DLG2: variants seen among roughly 807,000 people sequenced by gnomAD.
DLG2 encodes disks large homolog 2.
DLG2 carries 45 observed loss-of-function variants against 132.5 expected under a neutral mutation model. The observed-to-expected ratio is 0.34, with a 90% CI of 0.27 to 0.44. The LOEUF (loss-of-function observed/expected upper bound fraction) is 0.44. DLG2 is among the 20% of genes least tolerant of loss of function. The pLI, the probability that DLG2 is intolerant of heterozygous loss-of-function variation, is 1.00. For synonymous variants in DLG2, 424 were observed against 419.6 expected, an observed-to-expected ratio of 1.01 and a Z score of -0.13; for missense variants, 1,045 against 1,196.9, an observed-to-expected ratio of 0.87 and a Z score of 1.87.
intron 7 of DLG2, among the ~76,000 whole-genome samples, chr11:84,285,670 G>C (rs1027246808): frequency 1.3e-5 from 2 of 152,130 alleles, no homozygotes; most frequent in Non-Finnish European, 2.9e-5. Flanking sequence ...GCCCCCTAGG[G>C]AAACAAAAGT....
At chr11:85,119,895 C>G (rs921682098) in intron 5 of DLG2, among the ~76,000 whole-genome samples, 3 of 151,970 alleles carry the variant, frequency 2.0e-5, no homozygotes, top group Admixed American at 2.0e-4. Context: ...TAATTAACTA[C>G]ATGGGAAAGG....
intron 6 of DLG2, among the ~76,000 whole-genome samples, chr11:84,787,713 C>G (rs929247478): frequency 3.9e-5 from 6 of 152,074 alleles, no homozygotes; most frequent in African/African-American, 1.4e-4. Flanking sequence ...ATAGTACATT[C>G]ACAAATACTT....
At position 83,649,368 on chromosome 11, in the gene DLG2, A is replaced by T. The variant is rs75321864; in HGVS notation, c.1826-16043T>A. Reference sequence around the variant, plus strand: ...GTGCTCAAAGGGAGAAAGGCTAAGAAATTCCAAGCCCTGGTCAGGAAAGTG... The same window carrying T: ...GTGCTCAAAGGGAGAAAGGCTAAGATATTCCAAGCCCTGGTCAGGAAAGTG... On this transcript the variant is annotated intron_variant, in intron 18 of 27. Coordinates refer to ENST00000376104, the MANE Select transcript of DLG2 (RefSeq NM_001142699.3). 4.9e-3 allele frequency among the ~76,000 whole-genome samples: 744 copies of T among 152,188 alleles called. 6 individuals are homozygous for T. Among genetic ancestry groups the T allele is most frequent in the African/African-American group, 0.017 (698 of 41,520 alleles).
intron 3 of DLG2, among the ~76,000 whole-genome samples, chr11:85,394,026 A>G (rs2087050134): frequency 6.6e-6 from 1 of 152,162 alleles, no homozygotes; most frequent in South Asian, 2.1e-4. Context: ...TCATGTAACC[A>G]AGCTCCACCT....
intron 6 of DLG2, among the ~76,000 whole-genome samples, chr11:84,618,738 G>A (rs991898373): frequency 3.3e-5 from 5 of 151,986 alleles, no homozygotes; most frequent in African/African-American, 9.7e-5. Flanking sequence ...TTTAAGTCCA[G>A]CAAAAATATG....
chr11:84,510,094 C>CTTATTATTA (rs10680572), intron 7 of DLG2, among the ~76,000 whole-genome samples: 5,920 of 146,540 alleles, frequency 0.04, 175 homozygotes, highest in South Asian at 0.13. Context: ...TAAGAGTTCA[C>CTTATTATTA]TTATTATTAT....
At chr11:83,485,002 T>TGAC (rs2093413479) in intron 21 of DLG2, among the ~76,000 whole-genome samples, 1 of 152,114 alleles carries the variant, frequency 6.6e-6, no homozygotes, top group African/African-American at 2.4e-5. Flanking sequence ...AGCTAGTTGG[T>TGAC]GACAGCCATG....
At chr11:85,324,367 T>A (rs1048787337) in intron 3 of DLG2, among the ~76,000 whole-genome samples, 1 of 152,166 alleles carries the variant, frequency 6.6e-6, no homozygotes, top group African/African-American at 2.4e-5. Flanking sequence ...TATATTTCTA[T>A]CACCATTATA....
chr11:83,689,946 TATATATATTTATATA>T (rs1204306887), intron 18 of DLG2, among the ~76,000 whole-genome samples: 4 of 138,428 alleles, frequency 2.9e-5, no homozygotes, highest in Non-Finnish European at 6.2e-5. Context: ...TAATATATAT[TATATATATTTATATA>T]ATATATATTT....
At chr11:85,110,804 A>C (rs1272284703) in intron 6 of DLG2, among the ~76,000 whole-genome samples, 1 of 152,150 alleles carries the variant, frequency 6.6e-6, no homozygotes, top group African/African-American at 2.4e-5. Context: ...ATATTTAGGA[A>C]GCTCCACATA....
chr11:84,042,870 T>TG (rs1197876014), intron 11 of DLG2, among the ~76,000 whole-genome samples: 1 of 151,672 alleles, frequency 6.6e-6, no homozygotes. Context: ...CAACACATAC[T>TG]GGGGCCTGTA....
intron 3 of DLG2, among the ~76,000 whole-genome samples, chr11:85,311,567 C>A (rs2080313678): frequency 1.3e-5 from 2 of 152,080 alleles, no homozygotes; most frequent in Non-Finnish European, 2.9e-5. Context: ...AAGGATTACT[C>A]AGTCTCTGGT....
At chr11:85,411,828 G>A (rs1335048063) in intron 3 of DLG2, among the ~76,000 whole-genome samples, 1 of 151,768 alleles carries the variant, frequency 6.6e-6, no homozygotes, top group East Asian at 1.9e-4. Context: ...CTAAGAACAA[G>A]AAATATAACC....
intron 16 of DLG2, among the ~76,000 whole-genome samples, chr11:83,865,230 GCAGGAGA>G (rs1447079410): frequency 1.3e-5 from 2 of 152,118 alleles, no homozygotes; most frequent in African/African-American, 4.8e-5. Context: ...GTCTAGTAGT[GCAGGAGA>G]CAGCCATCTA....
At chr11:85,363,413 A>C (rs569693425) in intron 3 of DLG2, among the ~76,000 whole-genome samples, 4 of 152,370 alleles carry the variant, frequency 2.6e-5, no homozygotes, top group African/African-American at 4.8e-5. Flanking sequence ...AAAACAAACA[A>C]GTCTCTAAAA....
intron 6 of DLG2, among the ~76,000 whole-genome samples, chr11:84,682,592 C>T (rs986681852): frequency 6.6e-6 from 1 of 152,174 alleles, no homozygotes; most frequent in African/African-American, 2.4e-5. Flanking sequence ...GCTAACAGCT[C>T]TGGGTGAAGA....
intron 3 of DLG2, among the ~76,000 whole-genome samples, chr11:85,478,450 T>TA (rs368368996): frequency 2.0e-5 from 3 of 152,184 alleles, no homozygotes; most frequent in Middle Eastern, 3.4e-3. Flanking sequence ...TATTTATTCA[T>TA]AAAAAAAATT....
At chr11:84,132,768 A>C (rs906695509) in intron 9 of DLG2, among the ~76,000 whole-genome samples, 1 of 152,012 alleles carries the variant, frequency 6.6e-6, no homozygotes, top group African/African-American at 2.4e-5. Flanking sequence ...GCTAATTTGA[A>C]TTGGAAGGTC....
rs2099661589 is a variant in DLG2 at position 84,641,013 on chromosome 11, A to C, written c.358-106282T>G. Among the ~76,000 whole-genome samples, 7 of 152,182 alleles carry C rather than the reference A, an allele frequency of 4.6e-5. No homozygotes were observed. The South Asian group carries it at 1.4e-3, about 32-fold the overall frequency. ...TGGAAAATTTTTTTACATTTAAAAAATAAACAAAATTTTTACTTCTGATCA... is the reference window on the plus strand; with the variant it reads ...TGGAAAATTTTTTTACATTTAAAAACTAAACAAAATTTTTACTTCTGATCA... On this transcript the variant is annotated intron_variant, in intron 6 of 27. Transcript: ENST00000376104.
Sources: allele counts gnomAD v4.1 joint callset (sites outside exome capture counted in the v4.1 genomes callset), GRCh38; gene constraint gnomAD v4.1.1; transcripts MANE v1.5; gene names NCBI Gene and HGNC (gene_info 2026-07-23, HGNC 2026-07-21).